Variants in PATJ observed in about 807,000 individuals in gnomAD.
PATJ encodes the protein inaD-like protein.
In PATJ, 190 loss-of-function variants were observed where a neutral mutation model predicts 224.9. That is an observed-to-expected ratio of 0.84 (90% CI 0.75 to 0.95). The LOEUF is 0.95. Ranked by LOEUF, PATJ falls within the 40% of genes least tolerant of loss-of-function variation. The pLI is 0.00. For missense variants in PATJ, 2,121 were observed against 2,270.3 expected, an observed-to-expected ratio of 0.93 and a Z score of 1.34; for synonymous variants, 769 against 820.3, an observed-to-expected ratio of 0.94 and a Z score of 1.07.
At chr1:61,896,222 G>A (rs142488583) in intron 22 of PATJ, among the ~76,000 whole-genome samples, 375 of 151,638 alleles carry the variant, frequency 2.5e-3, no homozygotes, top group African/African-American at 8.3e-3. Flanking sequence ...ACTTGAACTG[G>A]GAGGTGGAGG....
intron 21 of PATJ, among the ~76,000 whole-genome samples, chr1:61,878,354 TG>T (rs529585152): frequency 6.6e-6 from 1 of 151,936 alleles, no homozygotes; most frequent in Non-Finnish European, 1.5e-5. Flanking sequence ...AGTATGGGGA[TG>T]GGGGAAAGGT....
intron 27 of PATJ, among the ~76,000 whole-genome samples, chr1:61,973,583 A>T (rs754446727): frequency 1.3e-5 from 2 of 152,008 alleles, no homozygotes; most frequent in Non-Finnish European, 2.9e-5. Context: ...GATGACCACG[A>T]TCTGATGTGG....
chr1:61,772,493 A>G (rs1206869183), intron 6 of PATJ, among the ~76,000 whole-genome samples: 1 of 152,182 alleles, frequency 6.6e-6, no homozygotes, highest in Non-Finnish European at 1.5e-5. Flanking sequence ...GCATCGTCAG[A>G]ATGCAAGCTA....
intron 7 of PATJ, among the ~76,000 whole-genome samples, chr1:61,780,658 A>G (rs1570447334): frequency 6.7e-6 from 1 of 148,464 alleles, no homozygotes; most frequent in African/African-American, 2.5e-5. Context: ...TTGGAGTGGC[A>G]TTTTTTTTTT....
chr1:61,910,689 G>A lies in PATJ; in HGVS notation c.3492+2207G>A, dbSNP rs117770035. Among the ~76,000 whole-genome samples the A allele has an allele frequency of 5.3e-3, 803 of 151,740 alleles. 20 individuals carry two copies. In the East Asian group the frequency reaches 0.069, roughly 13 times the overall value. On this transcript the variant is annotated intron_variant, in intron 25 of 43. Transcript: ENST00000642238. Reference sequence around the variant, plus strand: ...AGCCTCCCAAGTGGCTGGGACCACAGGCATGGATCACCATGCCCAGCTAGT... The same window carrying A: ...AGCCTCCCAAGTGGCTGGGACCACAAGCATGGATCACCATGCCCAGCTAGT...
At chr1:62,146,837 A>G (rs940362244) in intron 41 of PATJ, among the ~76,000 whole-genome samples, 12 of 152,126 alleles carry the variant, frequency 7.9e-5, no homozygotes, top group Non-Finnish European at 1.5e-5. Flanking sequence ...TTTCATGAGG[A>G]TGGAATGTGG....
chr1:61,807,794 C>T (rs746203145), intron 13 of PATJ, among the ~76,000 whole-genome samples: 5 of 152,164 alleles, frequency 3.3e-5, no homozygotes, highest in South Asian at 2.1e-4. Flanking sequence ...TATCCCTTCC[C>T]GCCAGATGCA....
chr1:61,972,905 G>T (rs1221129497), intron 27 of PATJ, among the ~76,000 whole-genome samples: 3 of 151,882 alleles, frequency 2.0e-5, no homozygotes, highest in Non-Finnish European at 4.4e-5. Context: ...TCTAAAGCTT[G>T]TATACTTTTT....
intron 3 of PATJ, 28 bp from the exon 4 acceptor site, chr1:61,766,251 G>GA: frequency 1.4e-6 from 2 of 1,416,420 alleles, no homozygotes; most frequent in Non-Finnish European, 1.9e-6. Flanking sequence ...ATAGATTTCT[G>GA]TTGATTCTTT....
intron 27 of PATJ, among the ~76,000 whole-genome samples, chr1:61,977,926 A>C (rs1644231576): frequency 6.6e-6 from 1 of 151,780 alleles, no homozygotes; most frequent in Admixed American, 6.6e-5. Context: ...TAATAAAAAT[A>C]AGTTGATTGA....
At chr1:62,131,881 T>C (rs1666301852) in intron 41 of PATJ, among the ~76,000 whole-genome samples, 1 of 152,122 alleles carries the variant, frequency 6.6e-6, no homozygotes, top group Non-Finnish European at 1.5e-5. Flanking sequence ...TATTTTTTTT[T>C]TTTTGAGATG....
chr1:62,136,673 G>C (rs934880315), intron 41 of PATJ, among the ~76,000 whole-genome samples: 1 of 150,900 alleles, frequency 6.6e-6, no homozygotes, highest in Non-Finnish European at 1.5e-5. Flanking sequence ...GTCTGTGTGT[G>C]TGTGTGTGTG....
At chr1:62,134,331 T>TC (rs1491391763) in intron 41 of PATJ, among the ~76,000 whole-genome samples, 9 of 11,442 alleles carry the variant, frequency 7.9e-4, no homozygotes, top group East Asian at 8.8e-3. Context: ...CAGCCCTCTC[T>TC]TTTTTTTTTT....
intron 27 of PATJ, among the ~76,000 whole-genome samples, chr1:61,946,223 G>A (rs1475537732): frequency 6.6e-6 from 1 of 152,144 alleles, no homozygotes; most frequent in Non-Finnish European, 1.5e-5. Flanking sequence ...GATCAGAGCA[G>A]AACTGAAGGA....
At chr1:61,908,590 C>A in intron 25 of PATJ, 108 bp downstream of exon 25, 1 of 700,520 alleles carries the variant, frequency 1.4e-6, no homozygotes, top group Non-Finnish European at 2.5e-6. Flanking sequence ...AGTTCCCAAA[C>A]TATATTTAAA....
chr1:62,073,401 T>C (rs1657769281), intron 31 of PATJ: 5 of 805,858 alleles, frequency 6.2e-6, no homozygotes, highest in Non-Finnish European at 7.5e-6. Flanking sequence ...GGCAGGCAGA[T>C]TGCTTGAGGT....
intron 41 of PATJ, among the ~76,000 whole-genome samples, chr1:62,147,193 AATG>A (rs377345647): frequency 1.3e-5 from 2 of 152,198 alleles, no homozygotes; most frequent in Middle Eastern, 6.8e-3. Flanking sequence ...GATGGGATGG[AATG>A]GGAGACAATG....
rs1666480235 is a variant in PATJ, at chr1:61,871,459, A to ATATGTATATACATATATATGCG, written c.2836-3781_2836-3780insGTATATACATATATATGCGTAT. On this transcript the variant is annotated intron_variant, in intron 20 of 43. Transcript: ENST00000642238. ...TGTGTATATACACATATATATGCGT[A>ATATGTATATACATATATATGCG]TATATATGTATATACATATATATGT... Among the ~76,000 whole-genome samples, 197 of 55,954 alleles carry ATATGTATATACATATATATGCG rather than the reference A, an allele frequency of 3.5e-3. 5 individuals carry two copies. The highest frequency in any genetic ancestry group is 4.2e-3 in the Non-Finnish European group (136 of 32,222). The allele number at this position is 55,954 out of a possible 152,430, so 36.7% of individuals were successfully genotyped here.
At chr1:61,890,173 G>T (rs917454332) in intron 22 of PATJ, among the ~76,000 whole-genome samples, 1 of 152,120 alleles carries the variant, frequency 6.6e-6, no homozygotes, top group African/African-American at 2.4e-5. Context: ...AGGTAGTTCT[G>T]TAGATTGAAT....
Sources: allele counts gnomAD v4.1 joint callset (sites outside exome capture counted in the v4.1 genomes callset), GRCh38; gene constraint gnomAD v4.1.1; transcripts MANE v1.5; gene names NCBI Gene and HGNC (gene_info 2026-07-23, HGNC 2026-07-21).